DISP3: variants seen among roughly 807,000 people sequenced by gnomAD.
DISP3 encodes the protein dispatched RND transporter family member 3.
A neutral mutation model predicts 135.3 loss-of-function variants in DISP3; 101 were observed. The observed-to-expected ratio is 0.75, with a 90% CI of 0.64 to 0.88. The LOEUF is 0.88. Among genes scored for constraint, DISP3 ranks in the 40% least tolerant of loss-of-function variants. DISP3 has a pLI of 0.00. For synonymous variants in DISP3, 856 were observed against 817.0 expected (o/e 1.05, Z -0.81); for missense variants, 1,713 against 1,878.6 (o/e 0.91, Z 1.63).
Position 11,535,617 on chromosome 1 carries a change from A to G in DISP3, c.3789A>G (p.Gly1263=). 3 of 1,612,784 alleles carry G rather than the reference A, an allele frequency of 1.9e-6. No individual in the cohort carries two copies. The highest frequency in any genetic ancestry group is 2.5e-6 in the Non-Finnish European group (3 of 1,179,776). ...TGGTCGAGGGCTACCTGCTGGCTGG[A>G]GAGAACCTGCCCCCCCACCAGGCCG... The part of the protein sequence containing the change: ...VHLVEGYLLA[G]ENLPPHQAED... Residue 1263 remains glycine, a synonymous_variant, in exon 20 of 21, where the codon GGA becomes GGG. Coordinates refer to ENST00000294484, the MANE Select transcript of DISP3 (RefSeq NM_020780.2).
intron 1 of DISP3, among the ~76,000 whole-genome samples, chr1:11,493,703 A>G (rs10864510): frequency 0.49 from 73,578 of 151,658 alleles, 19,776 homozygotes; most frequent in East Asian, 0.73. Context: ...AAGCCTGGGC[A>G]ACAGAGCAAG....
intron 1 of DISP3, among the ~76,000 whole-genome samples, chr1:11,496,247 G>A (rs1234043223): frequency 2.6e-5 from 4 of 152,194 alleles, no homozygotes; most frequent in East Asian, 3.9e-4. Context: ...CAGCTGCCTC[G>A]GTTGCCTTTC....
chr1:11,505,235 T>C (rs1374732822), intron 3 of DISP3, among the ~76,000 whole-genome samples: 1 of 152,258 alleles, frequency 6.6e-6, no homozygotes, highest in African/African-American at 2.4e-5. Context: ...CTCTACAGAA[T>C]GTGAGTTTGT....
chr1:11,482,870 G>T (rs1640939685), intron 1 of DISP3, among the ~76,000 whole-genome samples: 1 of 152,216 alleles, frequency 6.6e-6, no homozygotes, highest in Non-Finnish European at 1.5e-5. Context: ...CTTGCCAAAG[G>T]AGCTGGGAGA....
At chr1:11,506,244 T>C (rs1019511491) in intron 3 of DISP3, among the ~76,000 whole-genome samples, 1 of 152,206 alleles carries the variant, frequency 6.6e-6, no homozygotes, top group Non-Finnish European at 1.5e-5. Flanking sequence ...TTTGTTCTGT[T>C]TGGGGACACA....
intron 3 of DISP3, among the ~76,000 whole-genome samples, chr1:11,503,570 G>T (rs1641614650): frequency 6.6e-6 from 1 of 152,064 alleles, no homozygotes; most frequent in South Asian, 2.1e-4. Flanking sequence ...CCCAGCTCCA[G>T]GGGGGAAAGA....
intron 3 of DISP3, among the ~76,000 whole-genome samples, chr1:11,506,041 A>G (rs1264634456): frequency 6.6e-6 from 1 of 152,176 alleles, no homozygotes; most frequent in Non-Finnish European, 1.5e-5. Context: ...ATAAATTGGC[A>G]CTTATTTTCT....
chr1:11,496,801 G>A (rs1257925359), intron 1 of DISP3, among the ~76,000 whole-genome samples: 6 of 152,190 alleles, frequency 3.9e-5, no homozygotes, highest in Non-Finnish European at 2.9e-5. Flanking sequence ...GCTAGCTGGG[G>A]TTTCTTGGAG....
chr1:11,520,660 G>A lies in DISP3; in HGVS notation c.2201-27G>A, dbSNP rs375574482. 124 of 1,605,406 alleles carry A rather than the reference G, an allele frequency of 7.7e-5. No homozygotes were observed. The highest frequency in any genetic ancestry group is 1.1e-4 in the South Asian group (10 of 90,266). ...GAACAGACCAGCTGGGCCCAGCCCC[G>A]CCTGGTGTAGCGCCCTTTCCTCACA... is the stretch of plus-strand genomic sequence containing the variant. On this transcript the variant is annotated intron_variant, in intron 9 of 20. Transcript: ENST00000294484. This position sits in a 1 kb window ranked among gnomAD's most constrained non-coding sequence, Gnocchi z 4.8.
intron 1 of DISP3, among the ~76,000 whole-genome samples, chr1:11,486,792 G>A (rs1279727819): frequency 7.9e-5 from 12 of 151,784 alleles, no homozygotes; most frequent in South Asian, 4.2e-4. Flanking sequence ...ATCCTCCCCC[G>A]TCAGCCTCCT....
chr1:11,492,590 A>G (rs1641219907), intron 1 of DISP3, among the ~76,000 whole-genome samples: 1 of 152,022 alleles, frequency 6.6e-6, no homozygotes, highest in Non-Finnish European at 1.5e-5. Context: ...TAATAAGCCC[A>G]GATTTTCTTT....
chr1:11,513,803 G>A (rs562805464), intron 3 of DISP3, among the ~76,000 whole-genome samples: 19 of 152,256 alleles, frequency 1.2e-4, no homozygotes, highest in African/African-American at 2.6e-4. Context: ...CTCAGGGATC[G>A]TCATCCTTGG....
chr1:11,525,114 A>G, intron 11 of DISP3, 62 bp from the exon 12 acceptor site: 9 of 1,587,462 alleles, frequency 5.7e-6, no homozygotes, highest in African/African-American at 1.3e-5. Context: ...GGGCTGCTCC[A>G]GGGTCAGGAG....
rs991758765 is a variant in DISP3 at position 11,536,689 on chromosome 1, C to A, written c.*3C>A. ...TGCCCGCAGGGGCCTCCCTATAGCCCGGGACGGGCTCTGGACACTTGCACC... is the reference window on the plus strand; with the variant it reads ...TGCCCGCAGGGGCCTCCCTATAGCCAGGGACGGGCTCTGGACACTTGCACC... On this transcript the variant is annotated 3_prime_UTR_variant, in exon 21 of 21. Coordinates refer to ENST00000294484, the MANE Select transcript of DISP3 (RefSeq NM_020780.2). The surrounding 1 kb of genome is among the most constrained non-coding windows in gnomAD (Gnocchi z 4.3). The A allele has an allele frequency of 3.2e-6, 5 of 1,549,136 alleles. No homozygotes were observed. The highest frequency in any genetic ancestry group is 2.7e-5 in the African/African-American group (2 of 72,832).
intron 2 of DISP3, 109 bp from the exon 3 acceptor site, chr1:11,502,569 C>A (rs1191192191): frequency 1.2e-6 from 1 of 855,890 alleles, no homozygotes; most frequent in East Asian, 2.7e-5. Flanking sequence ...TGGATATGGA[C>A]AGGGGGAATC....
intron 1 of DISP3, 97 bp from the exon 2 acceptor site, chr1:11,500,893 G>T (rs1257631977): frequency 1.5e-6 from 2 of 1,359,724 alleles, no homozygotes; most frequent in Admixed American, 4.3e-5. Context: ...TTGGTTATGA[G>T]TGGACAGGGT....
At chr1:11,522,523 G>GGCCAGGACCCAGCCAGAGCCCA (rs1400588473) in intron 10 of DISP3, among the ~76,000 whole-genome samples, 6 of 127,684 alleles carry the variant, frequency 4.7e-5, no homozygotes, top group South Asian at 4.9e-4. Context: ...CAACATCTGG[G>GGCCAGGACCCAGCCAGAGCCCA]GCCAGGACCC....
At chr1:11,525,082 G>C (rs12044052) in intron 11 of DISP3, 94 bp from the exon 12 acceptor site, 12 of 1,477,666 alleles carry the variant, frequency 8.1e-6, no homozygotes, top group Non-Finnish European at 1.1e-5. Flanking sequence ...GACTGAGCTC[G>C]TTAGTCGACA....
At chr1:11,488,352 G>T (rs1229556068) in intron 1 of DISP3, among the ~76,000 whole-genome samples, 1 of 152,154 alleles carries the variant, frequency 6.6e-6, no homozygotes, top group Non-Finnish European at 1.5e-5. Context: ...CACAGCAAGG[G>T]CCTCTGTGCT....
Sources: allele counts gnomAD v4.1 joint callset (sites outside exome capture counted in the v4.1 genomes callset), GRCh38; gene constraint gnomAD v4.1.1; non-coding constraint Gnocchi (gnomAD v3.1); transcripts MANE v1.5; gene names NCBI Gene and HGNC (gene_info 2026-07-23, HGNC 2026-07-21).